MEF2C: variants seen among roughly 807,000 people sequenced by gnomAD.
The protein encoded by MEF2C is myocyte enhancer factor 2C.
MEF2C carries 6 observed loss-of-function variants against 50.5 expected under a neutral mutation model. The observed-to-expected ratio is 0.12, with a 90% confidence interval of 0.07 to 0.23. The LOEUF is 0.23. Among genes scored for constraint, MEF2C ranks in the 10% least tolerant of loss-of-function variants. The pLI is 1.00. For missense variants in MEF2C, 276 were observed against 605.0 expected, an observed-to-expected ratio of 0.46 and a Z score of 5.70; for synonymous variants, 183 against 228.0, an observed-to-expected ratio of 0.80 and a Z score of 1.78.
chr5:88,902,636 A>G (rs1439297078), intron 1 of MEF2C, among the ~76,000 whole-genome samples: 3 of 151,774 alleles, frequency 2.0e-5, no homozygotes, highest in African/African-American at 7.2e-5. Flanking sequence ...GTCATTAAAA[A>G]AGTCAGACCT....
At chr5:88,817,136 TATTTCTC>T (rs1331338080) in intron 2 of MEF2C, among the ~76,000 whole-genome samples, 2 of 152,048 alleles carry the variant, frequency 1.3e-5, no homozygotes, top group Non-Finnish European at 2.9e-5. Flanking sequence ...AATTAATTTG[TATTTCTC>T]AATTATCCAG....
chr5:88,723,668 T>G (rs1040198159), intron 10 of MEF2C, among the ~76,000 whole-genome samples: 54 of 152,388 alleles, frequency 3.5e-4, no homozygotes, highest in Middle Eastern at 3.4e-3. Context: ...ATGAAAATAC[T>G]TTGTGTTCCA....
At chr5:88,836,196 A>G (rs186316167) in intron 1 of MEF2C, among the ~76,000 whole-genome samples, 1 of 152,308 alleles carries the variant, frequency 6.6e-6, no homozygotes, top group African/African-American at 2.4e-5. Context: ...CATAAATCTG[A>G]AAGTTTTTTA....
At chr5:88,869,276 T>TAC (rs1329449355) in intron 1 of MEF2C, among the ~76,000 whole-genome samples, 5 of 101,738 alleles carry the variant, frequency 4.9e-5, no homozygotes, top group Non-Finnish European at 9.3e-5. Context: ...TATATATATA[T>TAC]ACATATATAT....
Position 88,722,015 on chromosome 5 carries a change from T to C in MEF2C, c.*589A>G, listed in dbSNP as rs1756494909. On this transcript the variant is annotated 3_prime_UTR_variant, in exon 11 of 11. Coordinates refer to ENST00000504921, the MANE Select transcript of MEF2C (RefSeq NM_002397.5). ...ATGTTAGCCCTCCAACTCCACATTT[T>C]TTTTTAATAGGTATGGTCCTCTTTT... 6.6e-6 allele frequency: 1 copy of C among 152,644 alleles called. No individual in the cohort carries two copies. The highest frequency in any genetic ancestry group is 1.5e-5 in the Non-Finnish European group (1 of 68,038). The allele number at this position is 152,644 out of a possible 1,614,324, so 9.5% of individuals were successfully genotyped here. A position where few individuals can be genotyped will look rare whatever the true frequency, so the allele number is the denominator to read the frequency against.
upstream of MEF2C, chr5:88,884,374 T>A (rs1314931323): frequency 6.6e-6 from 1 of 152,244 alleles, no homozygotes; most frequent in Non-Finnish European, 1.5e-5. Flanking sequence ...GATTCCAGCG[T>A]GCTTTTCCTG....
chr5:88,867,564 T>C (rs755389109), intron 1 of MEF2C, among the ~76,000 whole-genome samples: 1 of 152,218 alleles, frequency 6.6e-6, no homozygotes, highest in Admixed American at 6.5e-5. Flanking sequence ...GTATACGGTA[T>C]GCTCTCAAAA....
Position 88,741,045 on chromosome 5 carries a change from G to C in MEF2C, c.637+8025C>G, listed in dbSNP as rs906639218. On this transcript the variant is annotated intron_variant, in intron 6 of 10. Coordinates refer to ENST00000504921, the MANE Select transcript of MEF2C (RefSeq NM_002397.5). Reference sequence around the variant, plus strand: ...ACATCAGAAGTTCATAACGTTCAAAGTGAAATGTGTTGCACTGTACTGTAC... The same window carrying C: ...ACATCAGAAGTTCATAACGTTCAAACTGAAATGTGTTGCACTGTACTGTAC... 13 of 985,298 alleles carry C rather than the reference G, an allele frequency of 1.3e-5. No homozygotes were observed. The African/African-American group carries it at 2.3e-4, about 17-fold the overall frequency. The allele number at this position is 985,298 out of a possible 1,614,324, so 61.0% of individuals were successfully genotyped here.
chr5:88,733,346 C>T lies in MEF2C; in HGVS notation c.638-1445G>A, dbSNP rs1762494271. 5 of 985,206 alleles carry T rather than the reference C, an allele frequency of 5.1e-6. No individual in the cohort carries two copies. In the South Asian group the frequency reaches 1.4e-4, roughly 28 times the overall value. The allele number at this position is 985,206 out of a possible 1,614,324, so 61.0% of individuals were successfully genotyped here. On this transcript the variant is annotated intron_variant, in intron 6 of 10. Transcript: ENST00000504921. ...GGGTGTCAGAGGCTCTGGAGGGATGCAGGGGTTGGGCTGTGGAGATCTCAA... is the reference window on the plus strand; with the variant it reads ...GGGTGTCAGAGGCTCTGGAGGGATGTAGGGGTTGGGCTGTGGAGATCTCAA...
At chr5:88,879,772 T>C (rs1346583668) in intron 1 of MEF2C, among the ~76,000 whole-genome samples, 2 of 152,172 alleles carry the variant, frequency 1.3e-5, no homozygotes, top group Non-Finnish European at 2.9e-5. Flanking sequence ...ATTTGAAAAC[T>C]GAATTTTCCA....
intron 1 of MEF2C, among the ~76,000 whole-genome samples, chr5:88,902,465 A>G (rs1337571765): frequency 4.0e-5 from 6 of 151,548 alleles, no homozygotes; most frequent in African/African-American, 1.4e-4. Flanking sequence ...TTTTTAAAAT[A>G]TTAGCTATTT....
chr5:88,846,995 G>A (rs1366722607), intron 1 of MEF2C, among the ~76,000 whole-genome samples: 3 of 152,124 alleles, frequency 2.0e-5, no homozygotes, highest in African/African-American at 7.2e-5. Context: ...TGCTGCAAAA[G>A]CACAAAATAT....
intron 1 of MEF2C, among the ~76,000 whole-genome samples, chr5:88,892,810 G>C (rs1322090594): frequency 1.3e-5 from 2 of 152,130 alleles, no homozygotes; most frequent in African/African-American, 4.8e-5. Context: ...GATATCTTCA[G>C]TCTCCCCCTA....
intron 1 of MEF2C, among the ~76,000 whole-genome samples, chr5:88,890,794 G>C (rs937278687): frequency 2.6e-5 from 4 of 152,234 alleles, no homozygotes; most frequent in African/African-American, 9.6e-5. Context: ...TGCTGAAAGA[G>C]ACCTTGGGGA....
At chr5:88,723,132 C>T (rs760429818) in intron 10 of MEF2C, among the ~76,000 whole-genome samples, 8 of 152,208 alleles carry the variant, frequency 5.3e-5, no homozygotes, top group Non-Finnish European at 1.2e-4. Flanking sequence ...GTAATTACAG[C>T]ATTTAACTGG....
At chr5:88,757,074 G>A (rs1580182147) in intron 4 of MEF2C, among the ~76,000 whole-genome samples, 1 of 152,108 alleles carries the variant, frequency 6.6e-6, no homozygotes, top group Admixed American at 6.5e-5. Flanking sequence ...GGGCCAAGTC[G>A]AGGGCCCATG....
chr5:88,814,358 C>T (rs1430161025), intron 2 of MEF2C, among the ~76,000 whole-genome samples: 2 of 151,730 alleles, frequency 1.3e-5, no homozygotes, highest in Non-Finnish European at 2.9e-5. Flanking sequence ...TATACAATGA[C>T]GGGGCCTGCC....
chr5:88,746,460 A>C lies in MEF2C; in HGVS notation c.637+2610T>G, dbSNP rs1392751685. The C allele has an allele frequency of 1.7e-5, 16 of 948,246 alleles. No individual in the cohort carries two copies. The African/African-American group carries it at 2.9e-4, about 17-fold the overall frequency. 58.7% of individuals were successfully genotyped at this position (948,246 alleles called of 1,614,324 possible). The stretch of plus-strand genomic sequence containing the variant: ...CTCTCACTTTTTTTTTTTTTTTAAC[A>C]AAGTGAGATGACTTGATTTAGAAAA... On this transcript the variant is annotated intron_variant, in intron 6 of 10. Coordinates refer to ENST00000504921, the MANE Select transcript of MEF2C (RefSeq NM_002397.5).
At position 88,768,097 on chromosome 5, in the gene MEF2C, G is replaced by A. The variant is rs933739775; in HGVS notation, c.259-6769C>T. Among the ~76,000 whole-genome samples the A allele has an allele frequency of 2.0e-5, 3 of 152,240 alleles. No homozygotes were observed. The South Asian group carries it at 6.2e-4, about 32-fold the overall frequency. ...CTCTTTAGACTTTCTGATCGCTCAG[G>A]CTGAATCAGTTTCTCCTTCATTCAG... On this transcript the variant is annotated intron_variant, in intron 3 of 10. Transcript: ENST00000504921.
Sources: gnomAD v4.1 joint callset for allele counts (sites outside exome capture counted in the v4.1 genomes callset) on GRCh38, gnomAD v4.1.1 for gene constraint, MANE v1.5 for transcripts, NCBI Gene and HGNC (gene_info 2026-07-23, HGNC 2026-07-21) for gene names.